WDR25: variants seen among roughly 807,000 people sequenced by gnomAD.
The protein encoded by WDR25 is WD repeat domain 25, also known as WD repeat-containing protein 25.
Under a neutral mutation model 47.7 loss-of-function variants are expected in WDR25, and 35 were observed. The ratio of observed to expected loss-of-function variants is 0.73; its 90% CI spans 0.56 to 0.97. The LOEUF (loss-of-function observed/expected upper bound fraction) is 0.97, where lower values mean the gene tolerates loss of function less well. Among genes scored for constraint, WDR25 ranks in the 50% least tolerant of loss-of-function variants. The pLI, the probability that WDR25 is intolerant of heterozygous loss-of-function variation, is 0.00. For missense variants in WDR25, 634 were observed against 704.7 expected, an observed-to-expected ratio of 0.90 and a Z score of 1.14; for synonymous variants, 248 against 278.9, an observed-to-expected ratio of 0.89 and a Z score of 1.10.
chr14:100,457,072 C>G (rs941983958), intron 2 of WDR25, among the ~76,000 whole-genome samples: 3 of 152,038 alleles, frequency 2.0e-5, no homozygotes. Flanking sequence ...AATCTTCTGC[C>G]TAAGCCCCCA....
rs781442280 is a variant in WDR25 at position 100,430,435 on chromosome 14, G to A, written c.823-37586G>A. ...TGTTTATTCATAATAATACCTTATAGCTGAGTAATGAAAGCTGCATGAGAG... is the reference window on the plus strand; with the variant it reads ...TGTTTATTCATAATAATACCTTATAACTGAGTAATGAAAGCTGCATGAGAG... On this transcript the variant is annotated intron_variant, in intron 2 of 6. Coordinates refer to ENST00000402312, the MANE Select transcript of WDR25 (RefSeq NM_001161476.3). This position sits in a 1 kb window ranked among gnomAD's most constrained non-coding sequence, Gnocchi z 4.7. Among the ~76,000 whole-genome samples, 1 of 152,186 alleles carries A rather than the reference G, an allele frequency of 6.6e-6. No homozygotes were observed. The highest frequency in any genetic ancestry group is 2.4e-5 in the African/African-American group (1 of 41,438).
At chr14:100,483,214 A>C (rs1040513883) in intron 3 of WDR25, among the ~76,000 whole-genome samples, 1 of 152,196 alleles carries the variant, frequency 6.6e-6, no homozygotes, top group South Asian at 2.1e-4. Flanking sequence ...GATGTTTTTG[A>C]AGTTTATATA....
At chr14:100,410,977 C>T (rs1188711157) in intron 2 of WDR25, among the ~76,000 whole-genome samples, 2 of 151,798 alleles carry the variant, frequency 1.3e-5, no homozygotes, top group Non-Finnish European at 2.9e-5. Flanking sequence ...GCAATGGAGT[C>T]TCGTCATGTT....
At chr14:100,417,906 C>T (rs1897914465) in intron 2 of WDR25, among the ~76,000 whole-genome samples, 2 of 151,818 alleles carry the variant, frequency 1.3e-5, no homozygotes, top group Admixed American at 1.3e-4. Context: ...TGCATGTGCT[C>T]ATAGGTTCTC....
chr14:100,382,069 A>T (rs1019527882), intron 2 of WDR25: 21 of 702,754 alleles, frequency 3.0e-5, no homozygotes, highest in Non-Finnish European at 4.9e-5. Context: ...GGGACTGGGG[A>T]CATCCTCGGT....
chr14:100,392,304 C>T lies in WDR25; in HGVS notation c.822+10558C>T, dbSNP rs540567692. 9.2e-5 allele frequency among the ~76,000 whole-genome samples: 14 copies of T among 151,952 alleles called. No homozygotes were observed. The highest frequency in any genetic ancestry group is 8.3e-4 in the South Asian group (4 of 4,812). ...AATCTCACTATTGTGTTGGTAAAAA[C>T]GTCAGCACATCCTAGTTCTGGGATA... On this transcript the variant is annotated intron_variant, in intron 2 of 6. Coordinates refer to ENST00000402312, the MANE Select transcript of WDR25 (RefSeq NM_001161476.3). The surrounding 1 kb of genome is among the most constrained non-coding windows in gnomAD (Gnocchi z 4.2).
rs1595155716 is a variant in WDR25, at chr14:100,505,577, A to G, written c.1102-20293A>G. ...TTTCTGGCTATTCTAGGTTCTTTAC[A>G]TTCGTATTTCAATTTTACAATCAAC... On this transcript the variant is annotated intron_variant, in intron 4 of 6. Coordinates refer to ENST00000402312, the MANE Select transcript of WDR25 (RefSeq NM_001161476.3). 2.0e-5 allele frequency among the ~76,000 whole-genome samples: 3 copies of G among 152,248 alleles called. No individual in the cohort carries two copies. In the East Asian group the frequency reaches 5.8e-4, roughly 29 times the overall value.
At chr14:100,418,769 G>A (rs559579644) in intron 2 of WDR25, among the ~76,000 whole-genome samples, 2 of 152,106 alleles carry the variant, frequency 1.3e-5, no homozygotes, top group Admixed American at 6.6e-5. Flanking sequence ...GCGGTGGCGG[G>A]GGGGGGTCCT....
rs981048050 is a variant in WDR25 at position 100,500,777 on chromosome 14, G to A, written c.1101+16653G>A. On this transcript the variant is annotated intron_variant, in intron 4 of 6. Coordinates refer to ENST00000402312, the MANE Select transcript of WDR25 (RefSeq NM_001161476.3). The surrounding 1 kb of genome is among the most constrained non-coding windows in gnomAD (Gnocchi z 4.7). ...GAGGCAGGGGCCTGGGCTTTTCAGA[G>A]TTGGGCTGCTCTTGGGGGTGGCTGC... 5.9e-5 allele frequency among the ~76,000 whole-genome samples: 9 copies of A among 152,220 alleles called. No individual in the cohort carries two copies. Among genetic ancestry groups the A allele is most frequent in the African/African-American group, 1.7e-4 (7 of 41,452 alleles).
At chr14:100,393,616 G>C (rs1897191399) in intron 2 of WDR25, among the ~76,000 whole-genome samples, 1 of 152,348 alleles carries the variant, frequency 6.6e-6, no homozygotes, top group East Asian at 1.9e-4. Context: ...GTGGGGGGAA[G>C]AGGTCAGCAC....
At chr14:100,436,185 T>C (rs1188083018) in intron 2 of WDR25, among the ~76,000 whole-genome samples, 1 of 152,174 alleles carries the variant, frequency 6.6e-6, no homozygotes, top group Non-Finnish European at 1.5e-5. Context: ...CTTATCTCAT[T>C]GAGTCCTCCC....
rs1898624511 is a variant in WDR25, at chr14:100,440,122, G to T, written c.823-27899G>T. On this transcript the variant is annotated intron_variant, in intron 2 of 6. Coordinates refer to ENST00000402312, the MANE Select transcript of WDR25 (RefSeq NM_001161476.3). This position sits in a 1 kb window ranked among gnomAD's most constrained non-coding sequence, Gnocchi z 4.4. The stretch of plus-strand genomic sequence containing the variant: ...GATAAAGATAGAACACTTCATTTAG[G>T]CACATTTCAGGATTTCAGAACATTT... 6.6e-6 allele frequency among the ~76,000 whole-genome samples: 1 copy of T among 152,216 alleles called. No homozygotes were observed. Among genetic ancestry groups the T allele is most frequent in the African/African-American group, 2.4e-5 (1 of 41,446 alleles).
At chr14:100,442,353 G>C (rs776963517) in intron 2 of WDR25, among the ~76,000 whole-genome samples, 57 of 152,220 alleles carry the variant, frequency 3.7e-4, no homozygotes, top group Non-Finnish European at 7.9e-4. Context: ...AGAGGCAGGG[G>C]TCTTCACCCT....
At position 100,434,846 on chromosome 14, in the gene WDR25, C is replaced by T. The variant is rs548560862; in HGVS notation, c.823-33175C>T. On this transcript the variant is annotated intron_variant, in intron 2 of 6. Transcript: ENST00000402312. ...TTGCTTTAATGAGTAGTTTCTTATTCCGCTCTTTTTCTTCATAAAAAGTAG... is the reference window on the plus strand; with the variant it reads ...TTGCTTTAATGAGTAGTTTCTTATTTCGCTCTTTTTCTTCATAAAAAGTAG... Among the ~76,000 whole-genome samples the T allele has an allele frequency of 2.0e-5, 3 of 152,238 alleles. No homozygotes were observed. The East Asian group carries it at 5.8e-4, about 29-fold the overall frequency.
At chr14:100,414,581 G>A (rs952999912) in intron 2 of WDR25, among the ~76,000 whole-genome samples, 2 of 150,432 alleles carry the variant, frequency 1.3e-5, no homozygotes, top group African/African-American at 4.9e-5. Context: ...CCAAAGTGCT[G>A]GAATTACAGG....
rs10138720 is a variant in WDR25 at position 100,499,045 on chromosome 14, G to T, written c.1101+14921G>T. ...GCTGCCCATGACTTCAGAATGGAGGGTGAGGTGGTTGTTCTCTAGATGTTC... is the reference window on the plus strand; with the variant it reads ...GCTGCCCATGACTTCAGAATGGAGGTTGAGGTGGTTGTTCTCTAGATGTTC... On this transcript the variant is annotated intron_variant, in intron 4 of 6. Transcript: ENST00000402312. The surrounding 1 kb of genome is among the most constrained non-coding windows in gnomAD (Gnocchi z 4.4). Among the ~76,000 whole-genome samples the T allele has an allele frequency of 0.42, 64,192 of 151,950 alleles. 13,966 individuals carry two copies. Among genetic ancestry groups the T allele is most frequent in the East Asian group, 0.64 (3,293 of 5,166 alleles).
intron 2 of WDR25, among the ~76,000 whole-genome samples, chr14:100,406,111 T>C (rs1262904091): frequency 1.3e-5 from 2 of 152,208 alleles, no homozygotes; most frequent in Non-Finnish European, 2.9e-5. Flanking sequence ...CAGAAGCCCA[T>C]GTCAGGCACG....
In WDR25 at chr14:100,502,193, C is replaced by G. The variant is rs542859987; in HGVS notation, c.1101+18069C>G. 6.6e-6 allele frequency among the ~76,000 whole-genome samples: 1 copy of G among 152,200 alleles called. No individual in the cohort carries two copies. The highest frequency in any genetic ancestry group is 2.4e-5 in the African/African-American group (1 of 41,452). On this transcript the variant is annotated intron_variant, in intron 4 of 6. Coordinates refer to ENST00000402312, the MANE Select transcript of WDR25 (RefSeq NM_001161476.3). The surrounding 1 kb of genome is among the most constrained non-coding windows in gnomAD (Gnocchi z 4.5). ...GTTGTGGGAGGTGCAGGCAGAGCCCCCCACTGTGGTGGCCCTTGCCCTCCC... is the reference window on the plus strand; with the variant it reads ...GTTGTGGGAGGTGCAGGCAGAGCCCGCCACTGTGGTGGCCCTTGCCCTCCC...
At chr14:100,420,108 A>G (rs1414202670) in intron 2 of WDR25, among the ~76,000 whole-genome samples, 1 of 152,208 alleles carries the variant, frequency 6.6e-6, no homozygotes, top group Non-Finnish European at 1.5e-5. Context: ...CACAAGGCCT[A>G]GTTGCCTGGA....
Sources: gnomAD v4.1 joint callset for allele counts (sites outside exome capture counted in the v4.1 genomes callset) on GRCh38, gnomAD v4.1.1 for gene constraint, Gnocchi (gnomAD v3.1) non-coding constraint, MANE v1.5 for transcripts, NCBI Gene and HGNC (gene_info 2026-07-23, HGNC 2026-07-21) for gene names.